Variants in IFT52 observed in about 807,000 individuals in gnomAD.
IFT52 encodes intraflagellar transport protein 52 homolog.
In IFT52, 44 loss-of-function variants were observed where a neutral mutation model predicts 54.4. The ratio of observed to expected loss-of-function variants is 0.81; its 90% CI spans 0.63 to 1.04. The LOEUF (loss-of-function observed/expected upper bound fraction) is 1.04, where lower values mean the gene tolerates loss of function less well. Among genes scored for constraint, IFT52 ranks in the 50% least tolerant of loss-of-function variants. The pLI, the probability that IFT52 is intolerant of heterozygous loss-of-function variation, is 0.00. For missense variants in IFT52, 452 were observed against 523.6 expected (o/e 0.86, Z 1.33); for synonymous variants, 181 against 185.3 (o/e 0.98, Z 0.19).
At chr20:43,627,022 C>G (rs1984772197) in intron 10 of IFT52, among the ~76,000 whole-genome samples, 1 of 151,920 alleles carries the variant, frequency 6.6e-6, no homozygotes, top group South Asian at 2.1e-4. Context: ...AAAAAAGTAG[C>G]TAGGCATGGT....
chr20:43,642,766 A>T, intron 13 of IFT52, 142 bp downstream of exon 13: 2 of 779,346 alleles, frequency 2.6e-6, no homozygotes, highest in South Asian at 3.8e-5. Flanking sequence ...AACAGACAAT[A>T]AACCCTGTAC....
chr20:43,625,306 C>G (rs368909001), intron 10 of IFT52, among the ~76,000 whole-genome samples: 1 of 151,932 alleles, frequency 6.6e-6, no homozygotes, highest in African/African-American at 2.4e-5. Flanking sequence ...GTCAGGCGTT[C>G]GAGACCAGCC....
intron 8 of IFT52, among the ~76,000 whole-genome samples, chr20:43,620,443 C>T (rs986523264): frequency 1.3e-5 from 2 of 152,076 alleles, no homozygotes; most frequent in African/African-American, 2.4e-5. Flanking sequence ...GGATCACCTG[C>T]GATCAAGAAT....
chr20:43,604,318 C>T lies in IFT52; in HGVS notation c.413+60C>T, dbSNP rs944514145. The T allele has an allele frequency of 3.1e-5, 40 of 1,290,586 alleles. No homozygotes were observed. In the Admixed American group the frequency reaches 6.6e-4, roughly 21 times the overall value. The allele number at this position is 1,290,586 out of a possible 1,614,324, so 79.9% of individuals were successfully genotyped here. Reference sequence around the variant, plus strand: ...GCATCGTCGCTCACACCTGTAATCCCAGCACTTTGGGAAGCCAAGGTGGAT... The same window carrying T: ...GCATCGTCGCTCACACCTGTAATCCTAGCACTTTGGGAAGCCAAGGTGGAT... On this transcript the variant is annotated intron_variant, in intron 5 of 13. Transcript: ENST00000373030.
intron 6 of IFT52, among the ~76,000 whole-genome samples, chr20:43,607,239 G>C (rs1349963080): frequency 6.7e-6 from 1 of 150,254 alleles, no homozygotes; most frequent in Non-Finnish European, 1.5e-5. Context: ...CCTCCCGGAC[G>C]GGGCGGCTGG....
chr20:43,624,424 C>G (rs1984573382), intron 10 of IFT52, among the ~76,000 whole-genome samples: 1 of 152,132 alleles, frequency 6.6e-6, no homozygotes, highest in South Asian at 2.1e-4. Flanking sequence ...ACTGGTAATG[C>G]TATTAACTGG....
chr20:43,592,251 C>T (rs1981585259), intron 1 of IFT52, among the ~76,000 whole-genome samples: 2 of 151,868 alleles, frequency 1.3e-5, no homozygotes, highest in South Asian at 4.2e-4. Flanking sequence ...ATTGCTTGAA[C>T]TTGGGAGGCG....
intron 2 of IFT52, among the ~76,000 whole-genome samples, chr20:43,595,484 G>A (rs1981878363): frequency 6.6e-6 from 1 of 152,120 alleles, no homozygotes; most frequent in Non-Finnish European, 1.5e-5. Flanking sequence ...AGGAGGCGGA[G>A]GTTACAGTAA....
chr20:43,637,252 G>A lies in IFT52; in HGVS notation c.1119G>A (p.Lys373=), dbSNP rs1304311339. 6.5e-7 allele frequency: 1 copy of A among 1,543,264 alleles called. No homozygotes were observed. Among genetic ancestry groups the A allele is most frequent in the Non-Finnish European group, 8.7e-7 (1 of 1,148,042 alleles). The change falls in exon 12 of 14, where the codon AAG becomes AAA. Residue 373 remains lysine (K), a splice_region_variant and synonymous_variant. Transcript: ENST00000373030. ...CACGGCTGGCTCAGATTACCAATAA[G>A]TGTAAGTTTGGCGAACTTTTTTTTT... The part of the protein sequence containing the change: ...EKARLAQITN[K]CTEEDLEFYV...
intron 3 of IFT52, among the ~76,000 whole-genome samples, chr20:43,597,901 A>C (rs913430634): frequency 6.6e-6 from 1 of 151,142 alleles, no homozygotes; most frequent in Non-Finnish European, 1.5e-5. Flanking sequence ...AAAAAAAAAA[A>C]AAAAAAAAAA....
rs116034412 is a variant in IFT52 at position 43,624,975 on chromosome 20, G to A, written c.923+930G>A. 7.4e-3 allele frequency among the ~76,000 whole-genome samples: 1,128 copies of A among 152,158 alleles called. 15 individuals are homozygous for A. Among genetic ancestry groups the A allele is most frequent in the African/African-American group, 0.025 (1,042 of 41,520 alleles). On this transcript the variant is annotated intron_variant, in intron 10 of 13. Coordinates refer to ENST00000373030, the MANE Select transcript of IFT52 (RefSeq NM_016004.5). ...ATTAGCATGCTGCCATTCTCCTTGT[G>A]CCTTGCTTATACATCCACTCAGCAA...
intron 7 of IFT52, among the ~76,000 whole-genome samples, chr20:43,614,870 AT>A (rs1411828593): frequency 1.4e-5 from 2 of 146,282 alleles, no homozygotes; most frequent in African/African-American, 2.6e-5. Context: ...GTACAGTGGC[AT>A]GATCTTGGCT....
chr20:43,630,207 TA>T (rs1263174008), intron 10 of IFT52, among the ~76,000 whole-genome samples: 1 of 152,122 alleles, frequency 6.6e-6, no homozygotes, highest in Non-Finnish European at 1.5e-5. Context: ...TTTCTTAGAA[TA>T]AAAAAAGATA....
At chr20:43,594,316 G>T (rs1332974913) in intron 1 of IFT52, among the ~76,000 whole-genome samples, 2 of 151,998 alleles carry the variant, frequency 1.3e-5, no homozygotes, top group Non-Finnish European at 2.9e-5. Context: ...TCAAAAAAAA[G>T]AAAAATAGAA....
intron 10 of IFT52, among the ~76,000 whole-genome samples, chr20:43,635,517 G>C (rs958701988): frequency 3.9e-5 from 6 of 152,146 alleles, no homozygotes; most frequent in Non-Finnish European, 8.8e-5. Flanking sequence ...GGCTGGTTTC[G>C]AACTCTTGAC....
At chr20:43,610,895 A>G (rs1453809594) in intron 6 of IFT52, among the ~76,000 whole-genome samples, 1 of 152,248 alleles carries the variant, frequency 6.6e-6, no homozygotes, top group Non-Finnish European at 1.5e-5. Flanking sequence ...GACCCAAGGC[A>G]TAGTAACTGT....
intron 7 of IFT52, among the ~76,000 whole-genome samples, chr20:43,616,231 G>C (rs1442826500): frequency 6.6e-6 from 1 of 152,112 alleles, no homozygotes; most frequent in East Asian, 1.9e-4. Context: ...GTTGGGCTGA[G>C]CGTGGTGGCT....
In IFT52 at chr20:43,603,897, G is replaced by T. The variant is rs750642197; in HGVS notation, c.337+8G>T. 5.6e-6 allele frequency: 8 copies of T among 1,416,350 alleles called. No homozygotes were observed. The South Asian group carries it at 6.0e-5, about 11-fold the overall frequency. 87.7% of individuals were successfully genotyped at this position (1,416,350 alleles called of 1,614,324 possible). On this transcript the variant is annotated splice_region_variant and intron_variant, in intron 4 of 13. Transcript: ENST00000373030. ...GAATCATGGTTAATAATGGTAATTA[G>T]TATTATTATTTTCAGTAGAGGCAGT...
chr20:43,592,827 C>G (rs1280807658), intron 1 of IFT52, among the ~76,000 whole-genome samples: 3 of 152,044 alleles, frequency 2.0e-5, no homozygotes, highest in Non-Finnish European at 4.4e-5. Flanking sequence ...ATTATGAAAC[C>G]CGACTGGGTG....
Sources: allele counts gnomAD v4.1 joint callset (sites outside exome capture counted in the v4.1 genomes callset), GRCh38; gene constraint gnomAD v4.1.1; transcripts MANE v1.5; gene names NCBI Gene and HGNC (gene_info 2026-07-23, HGNC 2026-07-21).